SLC11A1: variants seen among roughly 807,000 people sequenced by gnomAD.
The protein encoded by SLC11A1 is natural resistance-associated macrophage protein 1.
SLC11A1 carries 59 observed loss-of-function variants against 63.2 expected under a neutral mutation model. The ratio of observed to expected loss-of-function variants is 0.93; its 90% confidence interval spans 0.76 to 1.16. SLC11A1 has a LOEUF of 1.16. SLC11A1 is among the 50% of genes most tolerant of loss of function. The probability of loss-of-function intolerance (pLI) is 0.00; values close to 1 mark genes in which losing one functional copy is unlikely to be tolerated. For missense variants in SLC11A1, 688 were observed against 730.7 expected (o/e 0.94, Z 0.67); for synonymous variants, 305 against 307.8 (o/e 0.99, Z 0.09).
intron 4 of SLC11A1, chr2:218,385,616 C>T (rs952406523): frequency 2.7e-6 from 1 of 376,358 alleles, no homozygotes; most frequent in Non-Finnish European, 5.3e-6. Flanking sequence ...GTCTCAAACT[C>T]CTGACCTCAG....
intron 12 of SLC11A1, 74 bp downstream of exon 12, chr2:218,393,204 C>T (rs1007011967): frequency 7.2e-7 from 1 of 1,379,344 alleles, no homozygotes; most frequent in South Asian, 1.6e-5. Context: ...CCACGCTGAG[C>T]CTTGCATGGG....
chr2:218,383,069 G>A lies in SLC11A1; in HGVS notation c.117G>A (p.Leu39=), dbSNP rs758375510. The A allele has an allele frequency of 2.5e-6, 4 of 1,613,948 alleles. No individual in the cohort carries two copies. Among genetic ancestry groups the A allele is most frequent in the South Asian group, 2.2e-5 (2 of 91,078 alleles). The change falls in exon 2 of 15, where the codon CTG becomes CTA. Residue 39 remains leucine (L), a synonymous_variant. Coordinates refer to ENST00000233202, the MANE Select transcript of SLC11A1 (RefSeq NM_000578.4). ...AAGCACCTCCCAGAGAGACCTACCT[G>A]AGTGAGAAGATCCCCATCCCAGACA... The part of the protein sequence containing the change: ...PQQAPPRETY[L]SEKIPIPDTK...
intron 4 of SLC11A1, 143 bp from the exon 5 acceptor site, chr2:218,386,492 C>T: frequency 1.6e-6 from 1 of 619,808 alleles, no homozygotes; most frequent in Non-Finnish European, 2.9e-6. Flanking sequence ...TTTCCATCTC[C>T]TGTATGCTCT....
chr2:218,388,861 C>T (rs1419856566), intron 8 of SLC11A1, among the ~76,000 whole-genome samples: 1 of 152,110 alleles, frequency 6.6e-6, no homozygotes, highest in Non-Finnish European at 1.5e-5. Context: ...CCTGTAATCC[C>T]GGCACTTCAG....
rs922772160 is a variant in SLC11A1, at chr2:218,386,758, C to G, written c.500+17C>G. The G allele has an allele frequency of 6.3e-7, 1 of 1,586,916 alleles. No individual in the cohort carries two copies. The highest frequency in any genetic ancestry group is 1.7e-5 in the Admixed American group (1 of 59,814). On this transcript the variant is annotated intron_variant, in intron 5 of 14. Transcript: ENST00000233202. ...AGCTGGACGGTACCACCCCAGTGTA[C>G]CCCAACTCTTCAGGCCAGGCAGAGA...
In SLC11A1 at chr2:218,395,306, A is replaced by ACAAC; in HGVS notation, c.*272_*273insAACC. ...TGGCACTTGGGACAAAAACAAACAA[A>ACAAC]CGAAAAACATTTCAAAAGGTATTTA... On this transcript the variant is annotated 3_prime_UTR_variant, in exon 15 of 15. Coordinates refer to ENST00000233202, the MANE Select transcript of SLC11A1 (RefSeq NM_000578.4). 13 of 401,286 alleles carry ACAAC rather than the reference A, an allele frequency of 3.2e-5. No homozygotes were observed. The highest frequency in any genetic ancestry group is 5.5e-5 in the Non-Finnish European group (12 of 219,692). 24.9% of individuals were successfully genotyped at this position (401,286 alleles called of 1,614,324 possible). A position where few individuals can be genotyped will look rare whatever the true frequency, so the allele number is the denominator to read the frequency against.
chr2:218,386,650 C>T lies in SLC11A1; in HGVS notation c.409C>T (p.Leu137Phe). 6.2e-7 allele frequency: 1 copy of T among 1,613,904 alleles called. No homozygotes were observed. Among genetic ancestry groups the T allele is most frequent in the Non-Finnish European group, 8.5e-7 (1 of 1,179,944 alleles). ...LYYPKVPRTV[L>F]WLTIELAIVG... is the part of the protein sequence containing the mutation. ...CTCCCCATAGGTGCCCCGCACCGTC[C>T]TCTGGCTGACCATCGAGCTAGCCAT... Residue 137 changes from leucine to phenylalanine, a missense_variant, in exon 5 of 15, where the codon CTC becomes TTC. Physicochemically the swap from Leu to Phe is conservative, Grantham distance 22. Coordinates refer to ENST00000233202, the MANE Select transcript of SLC11A1 (RefSeq NM_000578.4).
chr2:218,391,459 C>T lies in SLC11A1; in HGVS notation c.1128C>T (p.Thr376=), dbSNP rs1000529077. Residue 376 remains threonine, a synonymous_variant, in exon 11 of 15, where the codon ACC becomes ACT. Coordinates refer to ENST00000233202, the MANE Select transcript of SLC11A1 (RefSeq NM_000578.4). ...IGLLAAGQSS[T]MTGTYAGQFV... is the part of the protein sequence containing the mutation. ...TCCTGGCGGCTGGGCAGAGCTCCAC[C>T]ATGACGGGCACCTACGCGGGACAGT... 1.9e-6 allele frequency: 3 copies of T among 1,611,510 alleles called. No individual in the cohort carries two copies. Among genetic ancestry groups the T allele is most frequent in the Admixed American group, 3.3e-5 (2 of 59,744 alleles).
Position 218,396,147 on chromosome 2 carries a change from G to T in SLC11A1, c.*1112G>T, listed in dbSNP as rs1193436173. ...CCGGCCTCACCCCTCCCCGCCAGGC[G>T]GAACGACGCGGGGAGGCGGGCGCTC... On this transcript the variant is annotated 3_prime_UTR_variant, in exon 15 of 15. Coordinates refer to ENST00000233202, the MANE Select transcript of SLC11A1 (RefSeq NM_000578.4). 6.6e-6 allele frequency: 1 copy of T among 150,704 alleles called. No homozygotes were observed. Among genetic ancestry groups the T allele is most frequent in the East Asian group, 2.0e-4 (1 of 5,062 alleles). The allele number at this position is 150,704 out of a possible 1,614,324, so 9.3% of individuals were successfully genotyped here. A position where few individuals can be genotyped will look rare whatever the true frequency, so the allele number is the denominator to read the frequency against.
Position 218,384,440 on chromosome 2 carries a change from G to A in SLC11A1, c.273+75G>A. The A allele has an allele frequency of 6.6e-7, 1 of 1,517,770 alleles. No homozygotes were observed. Among genetic ancestry groups the A allele is most frequent in the Non-Finnish European group, 8.9e-7 (1 of 1,118,030 alleles). The allele number at this position is 1,517,770 out of a possible 1,614,324, so 94.0% of individuals were successfully genotyped here. A position where few individuals can be genotyped will look rare whatever the true frequency, so the allele number is the denominator to read the frequency against. On this transcript the variant is annotated intron_variant, in intron 3 of 14. Coordinates refer to ENST00000233202, the MANE Select transcript of SLC11A1 (RefSeq NM_000578.4). The surrounding 1 kb of genome is among the most constrained non-coding windows in gnomAD (Gnocchi z 4.0). The stretch of plus-strand genomic sequence containing the variant: ...AGGCTAAGTGTTGAAGGCCCCTGCT[G>A]GCCATGTTTCTCCAATGTGGCCTGG...
In SLC11A1 at chr2:218,388,014, G is replaced by A; in HGVS notation, c.795+59G>A. Reference sequence around the variant, plus strand: ...ACTCAGTCGGAGCCATGCTGGCTCCGCCTCCAAGCCTGGAGCCCCTCCCCT... The same window carrying A: ...ACTCAGTCGGAGCCATGCTGGCTCCACCTCCAAGCCTGGAGCCCCTCCCCT... On this transcript the variant is annotated intron_variant, in intron 8 of 14. Coordinates refer to ENST00000233202, the MANE Select transcript of SLC11A1 (RefSeq NM_000578.4). The A allele has an allele frequency of 3.4e-6, 5 of 1,478,010 alleles. No individual in the cohort carries two copies. The South Asian group carries it at 6.9e-5, about 20-fold the overall frequency. The allele number at this position is 1,478,010 out of a possible 1,614,324, so 91.6% of individuals were successfully genotyped here. A position where few individuals can be genotyped will look rare whatever the true frequency, so the allele number is the denominator to read the frequency against.
chr2:218,389,967 T>C lies in SLC11A1; in HGVS notation c.893T>C (p.Ile298Thr), dbSNP rs1574772559. 1 of 1,613,924 alleles carries C rather than the reference T, an allele frequency of 6.2e-7. No homozygotes were observed. Among genetic ancestry groups the C allele is most frequent in the East Asian group, 2.2e-5 (1 of 44,888 alleles). Residue 298 changes from isoleucine to threonine, a missense_variant, in exon 9 of 15, where the codon ATC becomes ACC. Transcript: ENST00000233202. ...ATCGCCCTGTCCGTCTCCTTTATCA[T>C]CAACCTCTTTGTCATGGCTGTCTTT... ...ATIALSVSFIINLFVMAVFGQ... is the reference protein window; with the variant it reads ...ATIALSVSFITNLFVMAVFGQ...
chr2:218,393,179 G>A (rs1430313707), intron 12 of SLC11A1, 49 bp downstream of exon 12: 1 of 1,464,910 alleles, frequency 6.8e-7, no homozygotes, highest in Non-Finnish European at 9.0e-7. Context: ...AGCGAAACAG[G>A]ACCTCCAGCA....
Position 218,391,372 on chromosome 2 carries a change from G to A in SLC11A1, c.1045-4G>A. ...CACCGGTCCTACCACACTCGTCCCT[G>A]CAGGGCGTGATCCTGGGCTGCCTGT... is the stretch of plus-strand genomic sequence containing the variant. On this transcript the variant is annotated splice_region_variant and splice_polypyrimidine_tract_variant and intron_variant, in intron 10 of 14. Transcript: ENST00000233202. 1.2e-6 allele frequency: 2 copies of A among 1,613,964 alleles called. No individual in the cohort carries two copies. The highest frequency in any genetic ancestry group is 1.7e-6 in the Non-Finnish European group (2 of 1,179,942).
chr2:218,384,944 A>C lies in SLC11A1; in HGVS notation c.274-203A>C, dbSNP rs1046354251. ...CACTATGTTGCTCAGGCTGCTCTTG[A>C]ACTCCTGGACTCAAGCAATCCTCCC... On this transcript the variant is annotated intron_variant, in intron 3 of 14. Transcript: ENST00000233202. The surrounding 1 kb of genome is among the most constrained non-coding windows in gnomAD (Gnocchi z 4.0). 2 of 564,616 alleles carry C rather than the reference A, an allele frequency of 3.5e-6. No individual in the cohort carries two copies. The highest frequency in any genetic ancestry group is 3.8e-5 in the African/African-American group (2 of 52,748). The allele number at this position is 564,616 out of a possible 1,614,324, so 35.0% of individuals were successfully genotyped here.
In SLC11A1 at chr2:218,394,522, C is replaced by T. The variant is rs1696643476; in HGVS notation, c.1389-110C>T. Reference sequence around the variant, plus strand: ...CTCCAGGTCCCACAGACCAGAGAAGCGGCCTCAGTGTATCCCCACCCCCAG... The same window carrying T: ...CTCCAGGTCCCACAGACCAGAGAAGTGGCCTCAGTGTATCCCCACCCCCAG... On this transcript the variant is annotated intron_variant, in intron 13 of 14. Coordinates refer to ENST00000233202, the MANE Select transcript of SLC11A1 (RefSeq NM_000578.4). 8.2e-6 allele frequency: 10 copies of T among 1,218,394 alleles called. No homozygotes were observed. The East Asian group carries it at 1.6e-4, about 20-fold the overall frequency. The allele number at this position is 1,218,394 out of a possible 1,614,324, so 75.5% of individuals were successfully genotyped here.
chr2:218,384,877 T>G lies in SLC11A1; in HGVS notation c.274-270T>G, dbSNP rs1323766351. 1 of 386,266 alleles carries G rather than the reference T, an allele frequency of 2.6e-6. No individual in the cohort carries two copies. The highest frequency in any genetic ancestry group is 4.9e-6 in the Non-Finnish European group (1 of 204,042). 23.9% of individuals were successfully genotyped at this position (386,266 alleles called of 1,614,324 possible). On this transcript the variant is annotated intron_variant, in intron 3 of 14. Transcript: ENST00000233202. This position sits in a 1 kb window ranked among gnomAD's most constrained non-coding sequence, Gnocchi z 4.0. ...GCTGGGATAACAGGTGTGAGCCACC[T>G]TGCCTGGCGTAATTTATTTATTTAT... is the stretch of plus-strand genomic sequence containing the variant.
At position 218,394,127 on chromosome 2, in the gene SLC11A1, TCGC is replaced by T; in HGVS notation, c.1325_1327del (p.Ala442del). 4 of 1,614,122 alleles carry T rather than the reference TCGC, an allele frequency of 2.5e-6. No homozygotes were observed. The highest frequency in any genetic ancestry group is 3.4e-6 in the Non-Finnish European group (4 of 1,180,004). On this transcript the variant is annotated inframe_deletion, in exon 13 of 15. Transcript: ENST00000233202. ...TCCTGCTGCTCTCCCCAGCTCCCGT[TCGC>T]CGTGCTGCCCATCCTCACGTTCACC...
At chr2:218,382,633 G>A (rs950449645) in intron 1 of SLC11A1, among the ~76,000 whole-genome samples, 6 of 152,336 alleles carry the variant, frequency 3.9e-5, no homozygotes, top group South Asian at 2.1e-4. Flanking sequence ...TTTCTGGGCT[G>A]CCGGAGAAGG....
Sources: gnomAD v4.1 joint callset for allele counts (sites outside exome capture counted in the v4.1 genomes callset) on GRCh38, gnomAD v4.1.1 for gene constraint, Gnocchi (gnomAD v3.1) non-coding constraint, MANE v1.5 for transcripts, NCBI Gene and HGNC (gene_info 2026-07-23, HGNC 2026-07-21) for gene names.